Variants in MEF2A observed in about 807,000 individuals in gnomAD.
MEF2A encodes myocyte-specific enhancer factor 2A.
In MEF2A, 28 loss-of-function variants were observed where a neutral mutation model predicts 55.8. The ratio of observed to expected loss-of-function variants is 0.50; its 90% CI spans 0.37 to 0.69. The LOEUF (loss-of-function observed/expected upper bound fraction) is 0.69. Among genes scored for constraint, MEF2A ranks in the 30% least tolerant of loss-of-function variants. The pLI is 0.00. For missense variants in MEF2A, 528 were observed against 626.2 expected, an observed-to-expected ratio of 0.84 and a Z score of 1.67; for synonymous variants, 239 against 227.1, an observed-to-expected ratio of 1.05 and a Z score of -0.47.
chr15:99,584,166 T>A (rs1395692009), intron 1 of MEF2A, among the ~76,000 whole-genome samples: 2 of 152,128 alleles, frequency 1.3e-5, no homozygotes, highest in Admixed American at 6.5e-5. Context: ...TCCATTATAA[T>A]CTTATGTGAC....
chr15:99,674,276 C>T (rs1340032698), intron 5 of MEF2A, 117 bp from the exon 6 acceptor site: 4 of 851,406 alleles, frequency 4.7e-6, no homozygotes, highest in African/African-American at 3.4e-5. Flanking sequence ...GGTTAAGAAC[C>T]TATCCCTATC....
At chr15:99,684,831 T>A (rs1265473967) in intron 7 of MEF2A, among the ~76,000 whole-genome samples, 1 of 152,206 alleles carries the variant, frequency 6.6e-6, no homozygotes, top group Non-Finnish European at 1.5e-5. Flanking sequence ...TCAGGTCTTA[T>A]ATTTAAGTCT....
At chr15:99,589,808 A>C (rs560004504) in intron 1 of MEF2A, among the ~76,000 whole-genome samples, 108 of 152,142 alleles carry the variant, frequency 7.1e-4, no homozygotes, top group African/African-American at 2.4e-3. Context: ...GTCCCCCCCC[A>C]AAAAAGTGTC....
At chr15:99,616,366 A>G (rs187289533) in intron 2 of MEF2A, among the ~76,000 whole-genome samples, 3 of 152,306 alleles carry the variant, frequency 2.0e-5, no homozygotes, top group Admixed American at 6.5e-5. Context: ...GCATTTGTAT[A>G]GGACTGCATC....
At chr15:99,617,212 A>G (rs1352724810) in intron 2 of MEF2A, among the ~76,000 whole-genome samples, 1 of 151,456 alleles carries the variant, frequency 6.6e-6, no homozygotes, top group Non-Finnish European at 1.5e-5. Flanking sequence ...GAAACAGTCA[A>G]CTTCAGAACT....
intron 1 of MEF2A, among the ~76,000 whole-genome samples, chr15:99,590,168 T>G (rs1267783163): frequency 2.6e-5 from 4 of 152,082 alleles, no homozygotes; most frequent in African/African-American, 9.7e-5. Flanking sequence ...TTTGGAACTT[T>G]ATCATTGGCT....
intron 3 of MEF2A, among the ~76,000 whole-genome samples, chr15:99,640,385 CA>C (rs2044662179): frequency 6.6e-6 from 1 of 152,128 alleles, no homozygotes; most frequent in Admixed American, 6.5e-5. Context: ...GCAAATTTTG[CA>C]ATACATATTG....
intron 2 of MEF2A, among the ~76,000 whole-genome samples, chr15:99,621,436 A>G (rs1484167862): frequency 2.0e-5 from 3 of 152,052 alleles, no homozygotes; most frequent in Non-Finnish European, 2.9e-5. Flanking sequence ...GCTGAAATTC[A>G]TTTCTTTTTG....
intron 7 of MEF2A, among the ~76,000 whole-genome samples, chr15:99,675,787 C>T (rs891230271): frequency 6.6e-6 from 1 of 152,140 alleles, no homozygotes; most frequent in South Asian, 2.1e-4. Flanking sequence ...CCTGTAATCC[C>T]AGCACTTTGG....
At chr15:99,604,052 C>A (rs1974242362) in intron 2 of MEF2A, among the ~76,000 whole-genome samples, 1 of 152,156 alleles carries the variant, frequency 6.6e-6, no homozygotes, top group South Asian at 2.1e-4. Context: ...GCTGTTCTTA[C>A]CTTTTGTTCC....
intron 8 of MEF2A, among the ~76,000 whole-genome samples, chr15:99,699,029 C>CA (rs1340182572): frequency 6.8e-6 from 1 of 147,746 alleles, no homozygotes; most frequent in African/African-American, 2.5e-5. Context: ...CCAGCCTGGG[C>CA]AACACAGCAA....
chr15:99,625,558 T>C (rs1365778886), intron 2 of MEF2A, among the ~76,000 whole-genome samples: 1 of 152,192 alleles, frequency 6.6e-6, no homozygotes, highest in Non-Finnish European at 1.5e-5. Context: ...ATCCCTGATC[T>C]TAGTGGAAAG....
intron 8 of MEF2A, among the ~76,000 whole-genome samples, chr15:99,699,808 TAAAC>T (rs1355468876): frequency 2.6e-5 from 4 of 151,798 alleles, no homozygotes; most frequent in Non-Finnish European, 5.9e-5. Flanking sequence ...AAAATGTAAA[TAAAC>T]AAATGGACAT....
At chr15:99,649,139 C>T (rs1005687504) in intron 4 of MEF2A, among the ~76,000 whole-genome samples, 6 of 151,956 alleles carry the variant, frequency 3.9e-5, no homozygotes, top group African/African-American at 1.4e-4. Context: ...AAATTCTATA[C>T]AGGTTTATTT....
At chr15:99,707,018 TACAA>T (rs994915904) in intron 10 of MEF2A, among the ~76,000 whole-genome samples, 163 bp downstream of exon 10, 4 of 152,210 alleles carry the variant, frequency 2.6e-5, no homozygotes, top group African/African-American at 9.6e-5. Flanking sequence ...TTGAAAAAAT[TACAA>T]ACAAAATGGA....
chr15:99,566,673 G>A (rs1020708860), intron 1 of MEF2A: 1 of 152,400 alleles, frequency 6.6e-6, no homozygotes, highest in Non-Finnish European at 1.5e-5. Flanking sequence ...TTAGCCCCAA[G>A]TGCGGGGGGC....
At chr15:99,705,729 T>A (rs888925108) in intron 9 of MEF2A, among the ~76,000 whole-genome samples, 1 of 152,248 alleles carries the variant, frequency 6.6e-6, no homozygotes, top group Non-Finnish European at 1.5e-5. Flanking sequence ...GAAAATGGAA[T>A]CACATTCTAA....
At chr15:99,590,201 T>G (rs937977822) in intron 1 of MEF2A, among the ~76,000 whole-genome samples, 3 of 152,056 alleles carry the variant, frequency 2.0e-5, no homozygotes, top group African/African-American at 4.8e-5. Flanking sequence ...AGAATTATTT[T>G]GTAGTTTTGA....
At chr15:99,678,861 A>G (rs1034097092) in intron 7 of MEF2A, 2 of 172,546 alleles carry the variant, frequency 1.2e-5, no homozygotes, top group African/African-American at 4.8e-5. Flanking sequence ...TATAGTATGT[A>G]TACAATCAAT....
Sources: gnomAD v4.1 joint callset for allele counts (sites outside exome capture counted in the v4.1 genomes callset) on GRCh38, gnomAD v4.1.1 for gene constraint, MANE v1.5 for transcripts, NCBI Gene and HGNC (gene_info 2026-07-23, HGNC 2026-07-21) for gene names.